Variants in FANCD2 observed in about 807,000 individuals in gnomAD.
FANCD2 encodes the protein Fanconi anemia group D2 protein.
Under a neutral mutation model 192.3 loss-of-function variants are expected in FANCD2, and 131 were observed. That is an observed-to-expected ratio of 0.68 (90% CI 0.59 to 0.79). The LOEUF (loss-of-function observed/expected upper bound fraction) is 0.79, where lower values mean the gene tolerates loss of function less well. Ranked by LOEUF, FANCD2 falls within the 30% of genes least tolerant of loss-of-function variation. FANCD2 has a pLI of 0.00. For synonymous variants in FANCD2, 524 were observed against 612.5 expected (o/e 0.86, Z 2.13); for missense variants, 1,508 against 1,701.6 (o/e 0.89, Z 2.00).
At chr3:10,034,875 C>T (rs1575734857) in intron 5 of FANCD2, 77 bp downstream of exon 5, 7 of 1,055,090 alleles carry the variant, frequency 6.6e-6, no homozygotes, top group East Asian at 2.6e-5. Context: ...AGGGAGAGCA[C>T]AGTTGTTTCA....
intron 7 of FANCD2, 80 bp downstream of exon 7, chr3:10,036,419 T>C: frequency 3.7e-6 from 4 of 1,080,790 alleles, no homozygotes; most frequent in Non-Finnish European, 5.7e-6. Flanking sequence ...TGAAAACTAT[T>C]GGTTTCTCTG....
At chr3:10,081,486 A>C (rs1473183231) in intron 32 of FANCD2, 22 bp downstream of exon 32, 1 of 1,472,742 alleles carries the variant, frequency 6.8e-7, no homozygotes, top group African/African-American at 1.4e-5. Context: ...GGAAGTGTGG[A>C]GAGAACTGAG....
chr3:10,098,679 A>G, intron 42 of FANCD2, 41 bp from the exon 43 acceptor site: 1 of 1,610,762 alleles, frequency 6.2e-7, no homozygotes, highest in Non-Finnish European at 8.5e-7. Flanking sequence ...CCTAAATGTG[A>G]TCATTATAAC....
chr3:10,041,277 A>G (rs868033467), intron 9 of FANCD2: 2 of 291,170 alleles, frequency 6.9e-6, no homozygotes, highest in African/African-American at 2.3e-5. Context: ...CACCACCTAC[A>G]TGTGTCTCTC....
At chr3:10,073,973 T>G (rs897183686) in intron 28 of FANCD2, among the ~76,000 whole-genome samples, 7 of 151,712 alleles carry the variant, frequency 4.6e-5, no homozygotes, top group Non-Finnish European at 8.8e-5. Flanking sequence ...TGAGATGGAG[T>G]CTCACTCTGT....
chr3:10,082,432 C>G (rs895303759), intron 32 of FANCD2, among the ~76,000 whole-genome samples: 2 of 152,112 alleles, frequency 1.3e-5, no homozygotes, highest in Non-Finnish European at 2.9e-5. Flanking sequence ...CTAACATAAA[C>G]CCAGTTTGAT....
At chr3:10,036,238 A>G (rs371615297) in intron 6 of FANCD2, 49 bp from the exon 7 acceptor site, 22 of 1,465,290 alleles carry the variant, frequency 1.5e-5, no homozygotes, top group Admixed American at 3.4e-5. Flanking sequence ...ATACATTTCT[A>G]TTGTGTATTT....
chr3:10,052,255 T>A, intron 17 of FANCD2, 132 bp from the exon 18 acceptor site: 3 of 689,884 alleles, frequency 4.3e-6, no homozygotes, highest in Non-Finnish European at 7.9e-6. Flanking sequence ...AGCTTTGAGC[T>A]TTTAAGGGAG....
chr3:10,062,275 C>G (rs1452648752), intron 20 of FANCD2, 64 bp downstream of exon 20: 3 of 1,368,834 alleles, frequency 2.2e-6, no homozygotes, highest in East Asian at 2.4e-5. Context: ...GAGTCTCGCT[C>G]TGTCACCCAA....
chr3:10,061,034 G>T (rs1380184961), intron 19 of FANCD2, among the ~76,000 whole-genome samples: 1 of 152,202 alleles, frequency 6.6e-6, no homozygotes, highest in Non-Finnish European at 1.5e-5. Context: ...GACAAAGTAT[G>T]TAAGTCTGCC....
intron 30 of FANCD2, among the ~76,000 whole-genome samples, chr3:10,079,284 T>C (rs186744042): frequency 6.6e-6 from 1 of 151,506 alleles, no homozygotes; most frequent in East Asian, 1.9e-4. Context: ...AAACAGAAAA[T>C]AGAAAGGCAC....
At chr3:10,051,177 G>C (rs571522238) in intron 17 of FANCD2, among the ~76,000 whole-genome samples, 1 of 150,784 alleles carries the variant, frequency 6.6e-6, no homozygotes, top group Non-Finnish European at 1.5e-5. Flanking sequence ...TCAGGAGATC[G>C]AGACCATCCC....
chr3:10,093,325 TGA>T lies in FANCD2; in HGVS notation c.3888+7_3888+8del. The T allele has an allele frequency of 6.2e-7, 1 of 1,610,864 alleles. No individual in the cohort carries two copies. The highest frequency in any genetic ancestry group is 8.5e-7 in the Non-Finnish European group (1 of 1,177,018). ...CCTGTTCTGCATGTATGTTTGAAGG[TGA>T]GAGATTTACTGGGCCCTGTTTCATA... On this transcript the variant is annotated splice_donor_region_variant and intron_variant, in intron 39 of 43. Coordinates refer to ENST00000675286, the MANE Select transcript of FANCD2 (RefSeq NM_001018115.3).
At chr3:10,073,784 T>C (rs1172848758) in intron 28 of FANCD2, among the ~76,000 whole-genome samples, 1 of 152,172 alleles carries the variant, frequency 6.6e-6, no homozygotes, top group African/African-American at 2.4e-5. Flanking sequence ...TTAGGTATAG[T>C]TTCTGTAAGA....
At chr3:10,045,409 C>G (rs1208659255) in intron 14 of FANCD2, 1 of 152,164 alleles carries the variant, frequency 6.6e-6, no homozygotes, top group Non-Finnish European at 1.5e-5. Context: ...ACCTCATGAT[C>G]TGCCCGCCTC....
rs755550249 is a variant in FANCD2 at position 10,074,714 on chromosome 3, AG to A, written c.2859+42del. The A allele has an allele frequency of 8.1e-6, 13 of 1,596,984 alleles. 1 individual carries two copies. In the South Asian group the frequency reaches 1.4e-4, roughly 18 times the overall value. On this transcript the variant is annotated intron_variant, in intron 29 of 43. Transcript: ENST00000675286. ...GGATCTCAGAATTTAATCTTCTTTC[AG>A]AAAGTTCCTCAGGTCTATTCTTATT...
chr3:10,091,800 A>AT (rs1302697762), intron 37 of FANCD2, among the ~76,000 whole-genome samples: 2 of 152,236 alleles, frequency 1.3e-5, no homozygotes, highest in African/African-American at 4.8e-5. Context: ...GACATAGAAG[A>AT]ATCAGCAACT....
At chr3:10,036,260 C>T in intron 6 of FANCD2, 27 bp from the exon 7 acceptor site, 1 of 1,587,100 alleles carries the variant, frequency 6.3e-7, no homozygotes, top group East Asian at 2.2e-5. Flanking sequence ...GAGATCATCT[C>T]CTAACTCCCT....
At chr3:10,063,661 G>A in intron 20 of FANCD2, 131 bp from the exon 21 acceptor site, 1 of 1,191,268 alleles carries the variant, frequency 8.4e-7, no homozygotes, top group East Asian at 2.3e-5. Context: ...GAACATTCAG[G>A]AAAACTTCAA....
Sources: allele counts gnomAD v4.1 joint callset (sites outside exome capture counted in the v4.1 genomes callset), GRCh38; gene constraint gnomAD v4.1.1; transcripts MANE v1.5; gene names NCBI Gene and HGNC (gene_info 2026-07-23, HGNC 2026-07-21).